UBR3: variants seen among roughly 807,000 people sequenced by gnomAD.
The protein encoded by UBR3 is E3 ubiquitin-protein ligase UBR3.
Under a neutral mutation model 243.2 loss-of-function variants are expected in UBR3, and 85 were observed. That is an observed-to-expected ratio of 0.35 (90% CI 0.29 to 0.42). The LOEUF (loss-of-function observed/expected upper bound fraction) is 0.42. UBR3 is among the 10% of genes least tolerant of loss of function. UBR3 has a pLI of 1.00. For synonymous variants in UBR3, 748 were observed against 799.8 expected (o/e 0.94, Z 1.09); for missense variants, 1,686 against 2,300.8 (o/e 0.73, Z 5.47).
chr2:169,986,741 C>T lies in UBR3; in HGVS notation c.3731C>T (p.Pro1244Leu). 1 of 1,614,046 alleles carries T rather than the reference C, an allele frequency of 6.2e-7. No individual in the cohort carries two copies. Among genetic ancestry groups the T allele is most frequent in the Non-Finnish European group, 8.5e-7 (1 of 1,179,990 alleles). Residue 1244 changes from proline (P) to leucine (L), a missense_variant, in exon 25 of 39, where the codon CCC becomes CTC. Coordinates refer to ENST00000272793, the MANE Select transcript of UBR3 (RefSeq NM_172070.4). Reference sequence around the variant, plus strand: ...TGTGTTATTTGTGGACAGAGTGGCCCCTCCTCTGAAGATCGACCTACTGGA... The same window carrying T: ...TGTGTTATTTGTGGACAGAGTGGCCTCTCCTCTGAAGATCGACCTACTGGA... Reference protein sequence around the residue: ...YDCVICGQSGPSSEDRPTGLV... With the variant: ...YDCVICGQSGLSSEDRPTGLV...
intron 32 of UBR3, among the ~76,000 whole-genome samples, chr2:170,051,386 C>G (rs2091213291): frequency 6.6e-6 from 1 of 152,150 alleles, no homozygotes; most frequent in East Asian, 1.9e-4. Context: ...TCTTGTTGCC[C>G]AGGCTGGAGT....
intron 1 of UBR3, among the ~76,000 whole-genome samples, chr2:169,833,415 C>G (rs2081997238): frequency 6.6e-6 from 1 of 152,144 alleles, no homozygotes; most frequent in Non-Finnish European, 1.5e-5. Flanking sequence ...AAGATAAGGA[C>G]CACATTTTGC....
chr2:169,902,425 G>A (rs1259519566), intron 8 of UBR3, among the ~76,000 whole-genome samples: 1 of 152,124 alleles, frequency 6.6e-6, no homozygotes, highest in Non-Finnish European at 1.5e-5. Flanking sequence ...TGGTTTATAA[G>A]ACCCTGTAGC....
intron 1 of UBR3, among the ~76,000 whole-genome samples, chr2:169,864,154 TC>T (rs2083177799): frequency 6.6e-6 from 1 of 152,168 alleles, no homozygotes; most frequent in Admixed American, 6.5e-5. Context: ...CAAGTGATCT[TC>T]CTACGTCAGC....
chr2:170,041,733 A>T (rs1374362167), intron 32 of UBR3, among the ~76,000 whole-genome samples: 1 of 152,222 alleles, frequency 6.6e-6, no homozygotes, highest in East Asian at 1.9e-4. Flanking sequence ...CTATGGGTGT[A>T]TAAAAGTCTT....
chr2:170,035,911 G>GA lies in UBR3; in HGVS notation c.4557-4971_4557-4970insA, dbSNP rs373852944. Among the ~76,000 whole-genome samples, 11 of 18,498 alleles carry GA rather than the reference G, an allele frequency of 5.9e-4. 1 individual carries two copies. Among genetic ancestry groups the GA allele is most frequent in the Non-Finnish European group, 9.4e-4 (10 of 10,658 alleles). The allele number at this position is 18,498 out of a possible 152,430, so 12.1% of individuals were successfully genotyped here. On this transcript the variant is annotated intron_variant, in intron 31 of 38. Coordinates refer to ENST00000272793, the MANE Select transcript of UBR3 (RefSeq NM_172070.4). ...TAGATTTATACCTAAGTATTTTATT[G>GA]GGGGGGGGGTTGCTAATTTAAATGA...
intron 1 of UBR3, among the ~76,000 whole-genome samples, chr2:169,834,772 C>T (rs1473404996): frequency 6.6e-6 from 1 of 152,200 alleles, no homozygotes; most frequent in Non-Finnish European, 1.5e-5. Context: ...AAATGTCCAT[C>T]AGCAGATGAA....
intron 1 of UBR3, among the ~76,000 whole-genome samples, chr2:169,846,130 G>T (rs986169005): frequency 3.9e-5 from 6 of 152,042 alleles, no homozygotes; most frequent in African/African-American, 1.4e-4. Context: ...CTGTCTGCTT[G>T]TTTTCTTCAT....
intron 1 of UBR3, among the ~76,000 whole-genome samples, chr2:169,859,317 C>T (rs772340868): frequency 9.2e-5 from 14 of 152,050 alleles, no homozygotes; most frequent in Admixed American, 3.9e-4. Context: ...GTGATCCACC[C>T]GCCTCGGCTT....
Position 169,991,492 on chromosome 2 carries a change from G to C in UBR3, c.3785-2831G>C, listed in dbSNP as rs2089270828. ...TGAAATTATTCAAAAAATTGTCTGT[G>C]GTCATAATGGAATGAAACTAGCTAT... On this transcript the variant is annotated intron_variant, in intron 25 of 38. Transcript: ENST00000272793. Among the ~76,000 whole-genome samples the C allele has an allele frequency of 2.6e-5, 4 of 152,206 alleles. No individual in the cohort carries two copies. The South Asian group carries it at 8.3e-4, about 32-fold the overall frequency.
intron 31 of UBR3, among the ~76,000 whole-genome samples, chr2:170,030,674 A>G (rs919616576): frequency 7.2e-5 from 11 of 152,172 alleles, no homozygotes; most frequent in African/African-American, 2.7e-4. Flanking sequence ...ATGTATAGTC[A>G]AAAACTGTGT....
At chr2:170,052,206 A>G (rs970873720) in intron 32 of UBR3, among the ~76,000 whole-genome samples, 1 of 152,148 alleles carries the variant, frequency 6.6e-6, no homozygotes, top group African/African-American at 2.4e-5. Context: ...AATTTCTGTC[A>G]TCTAAATATT....
intron 18 of UBR3, among the ~76,000 whole-genome samples, chr2:169,930,533 C>G (rs1329914302): frequency 6.6e-6 from 1 of 151,978 alleles, no homozygotes; most frequent in Non-Finnish European, 1.5e-5. Context: ...ACCATAGACA[C>G]CCACCACCAT....
At chr2:169,841,437 G>C (rs931750996) in intron 1 of UBR3, among the ~76,000 whole-genome samples, 1 of 152,214 alleles carries the variant, frequency 6.6e-6, no homozygotes, top group Non-Finnish European at 1.5e-5. Flanking sequence ...GGTGGCATTT[G>C]AGGAGCCCTT....
intron 29 of UBR3, among the ~76,000 whole-genome samples, chr2:170,011,826 C>T (rs924063862): frequency 6.6e-6 from 1 of 152,004 alleles, no homozygotes; most frequent in African/African-American, 2.4e-5. Flanking sequence ...TTTTATTACA[C>T]ATGTCAGTCA....
intron 35 of UBR3, among the ~76,000 whole-genome samples, chr2:170,064,230 A>G (rs10195700): frequency 0.013 from 2,043 of 152,210 alleles, 39 homozygotes; most frequent in East Asian, 0.037. Flanking sequence ...AGCATAGTAG[A>G]TATCTTTTCA....
At position 169,926,582 on chromosome 2, in the gene UBR3, C is replaced by CAAAAACAAAAAACA. The variant is rs140309188; in HGVS notation, c.2152-90_2152-77dup. ...CTTGGGTGAGAGTGAGACTCTGTCT[C>CAAAAACAAAAAACA]AAAAACAAAAAACAAAAAACAAAAA... On this transcript the variant is annotated intron_variant, in intron 14 of 38. Transcript: ENST00000272793. The CAAAAACAAAAAACA allele has an allele frequency of 3.0e-5, 34 of 1,133,804 alleles. No individual in the cohort carries two copies. In the Admixed American group the frequency reaches 4.2e-4, roughly 14 times the overall value. The allele number at this position is 1,133,804 out of a possible 1,614,324, so 70.2% of individuals were successfully genotyped here. A position where few individuals can be genotyped will look rare whatever the true frequency, so the allele number is the denominator to read the frequency against.
chr2:169,863,077 G>A (rs1026355782), intron 1 of UBR3, among the ~76,000 whole-genome samples: 3 of 152,076 alleles, frequency 2.0e-5, no homozygotes, highest in South Asian at 2.1e-4. Flanking sequence ...ATGTGGTTTC[G>A]TTATTTGAGT....
chr2:169,890,553 A>ATATATATATATGTGTATATATATATATG (rs2084310004), intron 5 of UBR3, among the ~76,000 whole-genome samples: 12 of 96,344 alleles, frequency 1.2e-4, no homozygotes, highest in African/African-American at 5.3e-4. Context: ...ATATATATAT[A>ATATATATATATGTGTATATATATATATG]TATATATATA....
Sources: allele counts gnomAD v4.1 joint callset (sites outside exome capture counted in the v4.1 genomes callset), GRCh38; gene constraint gnomAD v4.1.1; transcripts MANE v1.5; gene names NCBI Gene and HGNC (gene_info 2026-07-23, HGNC 2026-07-21).